The following ZNF345 variants were observed in gnomAD, a reference collection of about 807,000 sequenced individuals.
ZNF345 encodes zinc finger protein HZF10.
For missense variants in ZNF345, 527 were observed against 589.9 expected (o/e 0.89, Z 1.10); for synonymous variants, 166 against 187.9 (o/e 0.88, Z 0.95).
At chr19:36,885,629 C>A (rs1265437154) in intron 3 of ZNF345, among the ~76,000 whole-genome samples, 1 of 151,828 alleles carries the variant, frequency 6.6e-6, no homozygotes, top group African/African-American at 2.4e-5. Context: ...CTTTCTTCCC[C>A]TAGAGGCTTT....
At chr19:36,866,435 T>G (rs956666548) in intron 2 of ZNF345, among the ~76,000 whole-genome samples, 1 of 152,226 alleles carries the variant, frequency 6.6e-6, no homozygotes, top group African/African-American at 2.4e-5. Context: ...AAAATCATTC[T>G]CTGCTATTAT....
downstream of ZNF345, among the ~76,000 whole-genome samples, chr19:36,880,193 G>T (rs918249114): frequency 6.6e-6 from 1 of 151,316 alleles, no homozygotes; most frequent in Non-Finnish European, 1.5e-5. Flanking sequence ...GGTGGCGTGT[G>T]CCTGTAGTTC....
At position 36,877,904 on chromosome 19, in the gene ZNF345, T is replaced by C. The variant is rs752940176; in HGVS notation, c.1074T>C (p.Thr358=). 1 of 1,614,122 alleles carries C rather than the reference T, an allele frequency of 6.2e-7. No individual in the cohort carries two copies. The highest frequency in any genetic ancestry group is 1.7e-5 in the Admixed American group (1 of 60,006). Reference sequence around the variant, plus strand: ...CCTTTAGTAGTGGTTCAGACCTTACTCAACATCACAGAATTCATACTGGTG... The same window carrying C: ...CCTTTAGTAGTGGTTCAGACCTTACCCAACATCACAGAATTCATACTGGTG... ...GKTFSSGSDL[T]QHHRIHTGEK... The change falls in exon 3 of 3, where the codon ACT becomes ACC. Residue 358 remains threonine, a synonymous_variant. Transcript: ENST00000420450.
At chr19:36,855,942 A>C (rs1369317019) in intron 2 of ZNF345, among the ~76,000 whole-genome samples, 1 of 152,220 alleles carries the variant, frequency 6.6e-6, no homozygotes, top group Non-Finnish European at 1.5e-5. Context: ...GTAATACGAC[A>C]TAAAGAGCGT....
intron 3 of ZNF345, chr19:36,891,463 T>C: frequency 3.3e-6 from 5 of 1,511,860 alleles, no homozygotes; most frequent in Non-Finnish European, 4.4e-6. Context: ...ATTATAAAGG[T>C]TAACAAAATG....
chr19:36,873,624 C>G (rs1163751659), intron 2 of ZNF345, among the ~76,000 whole-genome samples: 1 of 151,972 alleles, frequency 6.6e-6, no homozygotes, highest in Non-Finnish European at 1.5e-5. Flanking sequence ...TATCCTTTGA[C>G]CTGCATCTCC....
chr19:36,892,344 A>C lies in ZNF345; in HGVS notation c.47-474A>C, dbSNP rs769641700. 5.0e-6 allele frequency: 8 copies of C among 1,613,770 alleles called. No individual in the cohort carries two copies. In the East Asian group the frequency reaches 1.3e-4, roughly 27 times the overall value. ...ATTCCCATGGTTTCTCTTCACTCAT[A>C]GTTTTTTGAGGTGGAATAAGAAATG... On this transcript the variant is annotated intron_variant, in intron 3 of 3. Transcript: ENST00000526123.
chr19:36,852,863 TTTTTG>T (rs1957910479), intron 2 of ZNF345, among the ~76,000 whole-genome samples: 1 of 151,478 alleles, frequency 6.6e-6, no homozygotes, highest in Non-Finnish European at 1.5e-5. Flanking sequence ...AATGTCCCCT[TTTTTG>T]TTTTTTTTGT....
In ZNF345 at chr19:36,877,576, A is replaced by G; in HGVS notation, c.746A>G (p.Gln249Arg). ...AGTGGTTCGGCTCTTACTCGGCATCAGAGAATTCATACCGGTGAGAAACCA... is the reference window on the plus strand; with the variant it reads ...AGTGGTTCGGCTCTTACTCGGCATCGGAGAATTCATACCGGTGAGAAACCA... ...FSSGSALTRH[Q>R]RIHTGEKPYI... Residue 249 changes from glutamine to arginine, a missense_variant, in exon 3 of 3, where the codon CAG becomes CGG. Transcript: ENST00000420450. The G allele has an allele frequency of 6.2e-7, 1 of 1,614,216 alleles. No homozygotes were observed.
At chr19:36,888,224 A>G (rs1354718254) in intron 3 of ZNF345, 2 of 152,188 alleles carry the variant, frequency 1.3e-5, no homozygotes, top group Admixed American at 6.5e-5. Context: ...ATGAAATTAT[A>G]AATTGTGCTG....
chr19:36,854,272 G>T (rs1160030356), intron 2 of ZNF345, among the ~76,000 whole-genome samples: 5 of 146,400 alleles, frequency 3.4e-5, no homozygotes, highest in African/African-American at 7.7e-5. Flanking sequence ...ATCTCCTCCT[G>T]CCTGTCCTTG....
chr19:36,892,374 C>A (rs773625497), intron 3 of ZNF345: 1 of 1,613,346 alleles, frequency 6.2e-7, no homozygotes, highest in South Asian at 1.1e-5. Flanking sequence ...GAAATGTGGG[C>A]TGAATAAAAG....
chr19:36,867,933 T>G (rs531955588), intron 2 of ZNF345, among the ~76,000 whole-genome samples: 6 of 152,222 alleles, frequency 3.9e-5, no homozygotes, highest in Admixed American at 3.3e-4. Context: ...CTTTTCATTT[T>G]CAATACACAT....
chr19:36,889,050 G>C (rs562968708), intron 3 of ZNF345: 1 of 152,200 alleles, frequency 6.6e-6, no homozygotes, highest in East Asian at 1.9e-4. Context: ...GGGATTACAG[G>C]TGTGAGTGCC....
downstream of ZNF345, among the ~76,000 whole-genome samples, chr19:36,884,034 A>G (rs1280183255): frequency 1.3e-5 from 2 of 151,928 alleles, no homozygotes; most frequent in African/African-American, 2.4e-5. Context: ...CACAGAACTC[A>G]AGATAATACT....
At chr19:36,867,812 C>T (rs2072689921) in intron 2 of ZNF345, among the ~76,000 whole-genome samples, 1 of 152,028 alleles carries the variant, frequency 6.6e-6, no homozygotes, top group African/African-American at 2.4e-5. Context: ...GGGTTTATTT[C>T]TGGATTTTCA....
chr19:36,861,197 A>G (rs1186322821), intron 2 of ZNF345, among the ~76,000 whole-genome samples: 1 of 152,118 alleles, frequency 6.6e-6, no homozygotes, highest in African/African-American at 2.4e-5. Context: ...TTCTTTGAGC[A>G]TTTCCTTACT....
chr19:36,855,243 C>T (rs1430845329), intron 2 of ZNF345, among the ~76,000 whole-genome samples: 4 of 137,758 alleles, frequency 2.9e-5, no homozygotes, highest in South Asian at 4.8e-4. Flanking sequence ...CCCGGGTTCA[C>T]GCCATTCTCC....
intron 2 of ZNF345, among the ~76,000 whole-genome samples, chr19:36,861,083 G>GT (rs1183901726): frequency 1.3e-5 from 2 of 152,050 alleles, no homozygotes; most frequent in Non-Finnish European, 2.9e-5. Context: ...TCCTCAATGG[G>GT]TTATAATCTG....
Sources: gnomAD v4.1 joint callset for allele counts (sites outside exome capture counted in the v4.1 genomes callset) on GRCh38, gnomAD v4.1.1 for gene constraint, MANE v1.5 for transcripts, NCBI Gene and HGNC (gene_info 2026-07-23, HGNC 2026-07-21) for gene names.